KCNC4: variants seen among roughly 807,000 people sequenced by gnomAD.
The protein encoded by KCNC4 is potassium voltage-gated channel subfamily C member 4, also known as voltage-gated potassium channel KCNC4.
In KCNC4, 23 loss-of-function variants were observed where a neutral mutation model predicts 42.8. That is an observed-to-expected ratio of 0.54 (90% CI 0.39 to 0.76). The LOEUF (loss-of-function observed/expected upper bound fraction) is 0.76. Among genes scored for constraint, KCNC4 ranks in the 30% least tolerant of loss-of-function variants. KCNC4 has a pLI of 0.00. For missense variants in KCNC4, 751 were observed against 898.2 expected (o/e 0.84, Z 2.10); for synonymous variants, 422 against 393.5 (o/e 1.07, Z -0.86).
intron 1 of KCNC4, among the ~76,000 whole-genome samples, chr1:110,278,201 A>G (rs1211628173): frequency 2.6e-5 from 2 of 77,100 alleles, no homozygotes; most frequent in Admixed American, 1.9e-4. Context: ...GGAAGGAGGA[A>G]AAAAAAAAGA....
At chr1:110,258,091 C>T (rs962181716) in intron 1 of KCNC4, among the ~76,000 whole-genome samples, 1 of 152,120 alleles carries the variant, frequency 6.6e-6, no homozygotes, top group African/African-American at 2.4e-5. Flanking sequence ...TGGATTTGAG[C>T]TTGTGGTAGG....
downstream of KCNC4, among the ~76,000 whole-genome samples, chr1:110,250,981 C>T (rs963863417): frequency 2.0e-5 from 3 of 152,162 alleles, no homozygotes; most frequent in African/African-American, 7.2e-5. Context: ...GGGGACGGGA[C>T]TAGGGCCATG....
At chr1:110,274,911 TA>T (rs1659691570) in intron 1 of KCNC4, among the ~76,000 whole-genome samples, 1 of 152,190 alleles carries the variant, frequency 6.6e-6, no homozygotes, top group Admixed American at 6.5e-5. Flanking sequence ...ACAAAAATAC[TA>T]GAAGAAAACC....
At chr1:110,270,159 G>GAGCA (rs1177911949) in intron 1 of KCNC4, among the ~76,000 whole-genome samples, 1 of 152,146 alleles carries the variant, frequency 6.6e-6, no homozygotes, top group Non-Finnish European at 1.5e-5. Context: ...CCTTGGTCAT[G>GAGCA]AGCAGTTCCT....
rs533184015 is a variant in KCNC4, at chr1:110,268,530, C to T, written n.31-14004C>T. Among the ~76,000 whole-genome samples, 10 of 140,528 alleles carry T rather than the reference C, an allele frequency of 7.1e-5. No individual in the cohort carries two copies. In the South Asian group the frequency reaches 1.7e-3, roughly 25 times the overall value. The allele number at this position is 140,528 out of a possible 152,430, so 92.2% of individuals were successfully genotyped here. On this transcript the variant is annotated intron_variant and non_coding_transcript_variant, in intron 1 of 2. Coordinates refer to the KCNC4 transcript ENST00000412512. ...CTGAGGCGGGAGAATGGCGTGAACC[C>T]GGGAGGCAGAGTTTGCAGTGAGTCG...
At chr1:110,264,030 T>A (rs1247493845) in intron 1 of KCNC4, among the ~76,000 whole-genome samples, 5 of 152,116 alleles carry the variant, frequency 3.3e-5, no homozygotes, top group African/African-American at 1.2e-4. Context: ...AGAAAAGGTG[T>A]TTTTTTAACT....
chr1:110,237,613 A>G (rs887422796), downstream of KCNC4: 2 of 152,264 alleles, frequency 1.3e-5, no homozygotes, highest in East Asian at 3.8e-4. Flanking sequence ...TGGAATTAGA[A>G]GACTGTTTCC....
At chr1:110,267,438 A>G (rs116706673) in intron 1 of KCNC4, among the ~76,000 whole-genome samples, 5,406 of 152,062 alleles carry the variant, frequency 0.036, 357 homozygotes, top group African/African-American at 0.12. Context: ...CGCTGCCTCC[A>G]TGTCCTTCTG....
chr1:110,223,133 A>G lies in KCNC4; in HGVS notation c.848A>G (p.Tyr283Cys). ...REVETEPILT[Y>C]IEGVCVLWFT... ...GTAGAGACAGAGCCCATCCTGACCT[A>G]CATCGAGGGCGTATGTGTGCTGTGG... The change falls in exon 2 of 4, where the codon TAC (tyrosine) becomes TGC (cysteine). Residue 283 changes from tyrosine to cysteine, a missense_variant. Physicochemically the swap from Tyr to Cys is radical, Grantham distance 194 (BLOSUM62 -2). This residue lies in a region of KCNC4 where 181 missense variants were observed against 167.3 expected (regional missense o/e 1.08). Coordinates refer to ENST00000438661, the MANE Select transcript of KCNC4 (RefSeq NM_001039574.3). The surrounding 1 kb of genome is among the most constrained non-coding windows in gnomAD (Gnocchi z 7.5). The G allele has an allele frequency of 6.2e-7, 1 of 1,614,146 alleles. No individual in the cohort carries two copies. Among genetic ancestry groups the G allele is most frequent in the Non-Finnish European group, 8.5e-7 (1 of 1,180,026 alleles).
intron 1 of KCNC4, among the ~76,000 whole-genome samples, chr1:110,268,379 G>A (rs982153857): frequency 6.6e-6 from 1 of 152,098 alleles, no homozygotes; most frequent in African/African-American, 2.4e-5. Context: ...AGGCCGAGGC[G>A]GGCAGATCAC....
At chr1:110,234,714 A>G (rs1038491034), downstream of KCNC4, 2 of 152,188 alleles carry the variant, frequency 1.3e-5, no homozygotes, top group Non-Finnish European at 2.9e-5. Flanking sequence ...CATGAAATTA[A>G]TAATGGTTGA....
chr1:110,262,323 C>T (rs1243294706), intron 1 of KCNC4, among the ~76,000 whole-genome samples: 2 of 152,212 alleles, frequency 1.3e-5, no homozygotes, highest in Admixed American at 6.5e-5. Context: ...CATCCTTGAG[C>T]GCTGGGATTA....
downstream of KCNC4, chr1:110,237,596 T>C (rs913196487): frequency 6.6e-6 from 1 of 152,148 alleles, no homozygotes; most frequent in African/African-American, 2.4e-5. Context: ...CTGCTCGGCG[T>C]GGGAGGTGGA....
intron 1 of KCNC4, among the ~76,000 whole-genome samples, chr1:110,214,099 G>A (rs939867141): frequency 6.6e-6 from 1 of 152,196 alleles, no homozygotes; most frequent in African/African-American, 2.4e-5. Context: ...TAAGCTCAGA[G>A]CCTGGCCTGC....
chr1:110,275,733 T>C (rs12407527), intron 1 of KCNC4, among the ~76,000 whole-genome samples: 44,034 of 151,434 alleles, frequency 0.29, 6,826 homozygotes, highest in Admixed American at 0.43. Context: ...CCGAGGCGGG[T>C]GGATCATGAG....
At chr1:110,228,761 A>G (rs1374532497) in intron 3 of KCNC4, 2 of 149,548 alleles carry the variant, frequency 1.3e-5, no homozygotes, top group African/African-American at 5.0e-5. Context: ...CTCAGCGCTC[A>G]CTCCCCAGGG....
intron 1 of KCNC4, among the ~76,000 whole-genome samples, chr1:110,216,510 A>T (rs905413538): frequency 6.6e-6 from 1 of 152,220 alleles, no homozygotes; most frequent in Non-Finnish European, 1.5e-5. Context: ...GTCTCTGAAC[A>T]TCTTGTCTCT....
At chr1:110,246,757 T>TTTTC in exon 4 of KCNC4, 1 of 100,326 alleles carries the variant, frequency 1.0e-5, no homozygotes, top group East Asian at 2.4e-4. Context: ...TTTTCTTTCT[T>TTTTC]TTTCTTTTCT....
chr1:110,268,670 C>T (rs1570583001), intron 1 of KCNC4, among the ~76,000 whole-genome samples: 1 of 148,492 alleles, frequency 6.7e-6, no homozygotes, highest in Non-Finnish European at 1.5e-5. Flanking sequence ...TTGGAATTCT[C>T]GGGAAGACAG....
Sources: gnomAD v4.1 joint callset for allele counts (sites outside exome capture counted in the v4.1 genomes callset) on GRCh38, gnomAD v4.1.1 for gene constraint, gnomAD v4.1.1 regional missense constraint, Gnocchi (gnomAD v3.1) non-coding constraint, MANE v1.5 for transcripts, NCBI Gene and HGNC (gene_info 2026-07-23, HGNC 2026-07-21) for gene names.